Variants in NRCAM observed in about 807,000 individuals in gnomAD.
NRCAM encodes neuronal cell adhesion molecule.
A neutral mutation model predicts 156.5 loss-of-function variants in NRCAM; 83 were observed. That is an observed-to-expected ratio of 0.53 (90% CI 0.44 to 0.64). The LOEUF (loss-of-function observed/expected upper bound fraction) is 0.64, where lower values mean the gene tolerates loss of function less well. Ranked by LOEUF, NRCAM falls within the 30% of genes least tolerant of loss-of-function variation. The pLI is 0.00. For missense variants in NRCAM, 1,417 were observed against 1,597.3 expected (o/e 0.89, Z 1.92); for synonymous variants, 538 against 563.9 (o/e 0.95, Z 0.65).
rs138164170 is a variant in NRCAM at position 108,272,658 on chromosome 7, A to C, written c.-106-32488T>G. Among the ~76,000 whole-genome samples the C allele has an allele frequency of 6.6e-3, 997 of 152,066 alleles. 8 individuals carry two copies. Among genetic ancestry groups the C allele is most frequent in the African/African-American group, 0.02 (844 of 41,514 alleles). Reference sequence around the variant, plus strand: ...TATTTTTAGAATTTTGATTTTAAAAAGGTAACATATATATATCACTTTGAT... The same window carrying C: ...TATTTTTAGAATTTTGATTTTAAAACGGTAACATATATATATCACTTTGAT... On this transcript the variant is annotated intron_variant, in intron 3 of 32. Transcript: ENST00000379028.
At chr7:108,443,008 T>C (rs1039066312) in intron 1 of NRCAM, among the ~76,000 whole-genome samples, 10 of 152,184 alleles carry the variant, frequency 6.6e-5, no homozygotes, top group Non-Finnish European at 1.3e-4. Context: ...TTTATGTCTG[T>C]AGCACGGAAA....
At chr7:108,307,855 C>T (rs748492223) in intron 3 of NRCAM, among the ~76,000 whole-genome samples, 28 of 152,052 alleles carry the variant, frequency 1.8e-4, no homozygotes, top group Non-Finnish European at 2.4e-4. Flanking sequence ...CCAAAAGCAG[C>T]CAGGGATGAA....
chr7:108,178,161 C>T (rs1344299884), intron 25 of NRCAM, 49 bp from the exon 26 acceptor site: 5 of 1,587,948 alleles, frequency 3.1e-6, no homozygotes, highest in Non-Finnish European at 4.3e-6. Context: ...AATGTTTCAA[C>T]ATGTATTAAA....
At chr7:108,433,020 A>G (rs1471337713) in intron 1 of NRCAM, among the ~76,000 whole-genome samples, 1 of 152,206 alleles carries the variant, frequency 6.6e-6, no homozygotes, top group Non-Finnish European at 1.5e-5. Context: ...GTTTTGGCCC[A>G]AAGATAAAAT....
intron 3 of NRCAM, among the ~76,000 whole-genome samples, chr7:108,255,404 G>A (rs2096587023): frequency 6.6e-6 from 1 of 152,226 alleles, no homozygotes; most frequent in Non-Finnish European, 1.5e-5. Flanking sequence ...CTGACCGCGA[G>A]TGATCTGCCC....
intron 17 of NRCAM, among the ~76,000 whole-genome samples, chr7:108,193,578 A>G (rs1563363914): frequency 6.6e-6 from 1 of 152,180 alleles, no homozygotes; most frequent in East Asian, 1.9e-4. Context: ...CACTGGCTTT[A>G]GGTAAAATCA....
intron 32 of NRCAM, among the ~76,000 whole-genome samples, chr7:108,155,033 GGA>G (rs10566935): frequency 0.16 from 23,929 of 148,560 alleles, 2,559 homozygotes; most frequent in African/African-American, 0.31. Context: ...AAATATGAAA[GGA>G]GAGTTTCCCA....
At chr7:108,262,327 T>G (rs987847800) in intron 3 of NRCAM, among the ~76,000 whole-genome samples, 1 of 152,150 alleles carries the variant, frequency 6.6e-6, no homozygotes, top group African/African-American at 2.4e-5. Flanking sequence ...ATGTGGTGTG[T>G]GTGTGTGTGT....
intron 3 of NRCAM, among the ~76,000 whole-genome samples, chr7:108,259,237 T>C (rs1019113837): frequency 1.3e-5 from 2 of 152,240 alleles, no homozygotes; most frequent in Non-Finnish European, 2.9e-5. Flanking sequence ...TTTTACTCCA[T>C]AAATTGTGAA....
Position 108,305,240 on chromosome 7 carries a change from C to T in NRCAM, c.-107+7425G>A, listed in dbSNP as rs2098697817. 2.0e-5 allele frequency among the ~76,000 whole-genome samples: 3 copies of T among 152,156 alleles called. No homozygotes were observed. In the South Asian group the frequency reaches 6.2e-4, roughly 32 times the overall value. The stretch of plus-strand genomic sequence containing the variant: ...TTGGCAAATCAAATCGATTTGAAGA[C>T]TGTTTTTGCATTAAAGAATATCTAT... On this transcript the variant is annotated intron_variant, in intron 3 of 32. Coordinates refer to ENST00000379028, the MANE Select transcript of NRCAM (RefSeq NM_001037132.4).
intron 1 of NRCAM, among the ~76,000 whole-genome samples, chr7:108,441,128 T>C (rs1017472004): frequency 6.6e-6 from 1 of 152,220 alleles, no homozygotes; most frequent in Admixed American, 6.5e-5. Context: ...TAAAAACCTT[T>C]AGAATTCTCA....
intron 1 of NRCAM, among the ~76,000 whole-genome samples, chr7:108,437,830 G>A (rs1447431677): frequency 1.3e-5 from 2 of 152,030 alleles, no homozygotes; most frequent in Admixed American, 6.5e-5. Flanking sequence ...AAGAGTGGGG[G>A]AGGAAAAGGA....
At chr7:108,236,056 C>T (rs1293683288) in intron 5 of NRCAM, among the ~76,000 whole-genome samples, 1 of 152,110 alleles carries the variant, frequency 6.6e-6, no homozygotes, top group African/African-American at 2.4e-5. Context: ...CCTCTCTGCC[C>T]ATACCTCTGC....
chr7:108,317,648 G>T (rs2300020), intron 2 of NRCAM, among the ~76,000 whole-genome samples: 12,066 of 152,126 alleles, frequency 0.079, 499 homozygotes, highest in East Asian at 0.11. Context: ...GGTGGCTCAC[G>T]CCTGTAATCC....
In NRCAM at chr7:108,223,759, T is replaced by G; in HGVS notation, c.856A>C (p.Asn286His). 1 of 1,606,802 alleles carries G rather than the reference T, an allele frequency of 6.2e-7. No homozygotes were observed. The highest frequency in any genetic ancestry group is 1.7e-4 in the Middle Eastern group (1 of 6,046). The change falls in exon 11 of 33, where the codon AAT becomes CAT. Residue 286 changes from asparagine (N) to histidine (H), a missense_variant. By Grantham distance (68) the Asn-to-His change is moderately conservative. This residue lies in a region of NRCAM where 1,238 missense variants were observed against 1,336.4 expected (regional missense o/e 0.93). Transcript: ENST00000379028. ...NASNKEELRG[N>H]VLSLECIAEG... ...GCAATGCACTCCAGTGAAAGCACAT[T>G]TCCTCTTAATTCCTCTTTGTTACTT...
At chr7:108,447,325 G>A (rs1448148376) in intron 1 of NRCAM, among the ~76,000 whole-genome samples, 3 of 146,396 alleles carry the variant, frequency 2.0e-5, no homozygotes, top group African/African-American at 2.5e-5. Context: ...GAGTGCAGTG[G>A]CACAATCTTG....
intron 3 of NRCAM, among the ~76,000 whole-genome samples, chr7:108,240,505 C>G (rs1185033983): frequency 6.6e-6 from 1 of 152,164 alleles, no homozygotes; most frequent in Non-Finnish European, 1.5e-5. Flanking sequence ...GGTCAGCAAG[C>G]AATCACTTTG....
chr7:108,209,034 C>T (rs1453814620), intron 12 of NRCAM, among the ~76,000 whole-genome samples: 2 of 152,084 alleles, frequency 1.3e-5, no homozygotes, highest in African/African-American at 4.8e-5. Context: ...CTAAAACTTC[C>T]CCAGTAATTA....
chr7:108,197,389 A>C (rs1384817915), intron 14 of NRCAM, among the ~76,000 whole-genome samples: 2 of 152,198 alleles, frequency 1.3e-5, no homozygotes, highest in African/African-American at 4.8e-5. Flanking sequence ...CCATGAAAAC[A>C]ATTCTCACAA....
Sources: allele counts gnomAD v4.1 joint callset (sites outside exome capture counted in the v4.1 genomes callset), GRCh38; gene constraint gnomAD v4.1.1; regional missense constraint gnomAD v4.1.1; transcripts MANE v1.5; gene names NCBI Gene and HGNC (gene_info 2026-07-23, HGNC 2026-07-21).